RCC1: variants seen among roughly 807,000 people sequenced by gnomAD.
RCC1 encodes regulator of chromosome condensation 1.
A neutral mutation model predicts 44.4 loss-of-function variants in RCC1; 11 were observed. The observed-to-expected ratio is 0.25, with a 90% confidence interval of 0.16 to 0.41. The LOEUF (loss-of-function observed/expected upper bound fraction) is 0.41, where lower values mean the gene tolerates loss of function less well. Ranked by LOEUF, RCC1 falls within the 10% of genes least tolerant of loss-of-function variation. RCC1 has a pLI of 1.00. For synonymous variants in RCC1, 213 were observed against 216.5 expected (o/e 0.98, Z 0.14); for missense variants, 386 against 547.1 (o/e 0.71, Z 2.94).
intron 4 of RCC1, chr1:28,518,592 C>G (rs1311813303): frequency 6.7e-6 from 1 of 150,154 alleles, no homozygotes; most frequent in African/African-American, 2.4e-5. Flanking sequence ...ACCGCGGCGC[C>G]CGCGCAGGCG....
At chr1:28,528,844 C>CTTTTTTTTTT (rs59005617) in intron 4 of RCC1, among the ~76,000 whole-genome samples, 1 of 87,228 alleles carries the variant, frequency 1.1e-5, no homozygotes, top group Non-Finnish European at 2.1e-5. Context: ...GTTTTTCTTC[C>CTTTTTTTTTT]TTTTTTTTTT....
At chr1:28,514,029 TGTG>T (rs1235570999) in intron 3 of RCC1, among the ~76,000 whole-genome samples, 1 of 147,426 alleles carries the variant, frequency 6.8e-6, no homozygotes, top group Non-Finnish European at 1.5e-5. Context: ...ATTAGCCAGG[TGTG>T]GTGGTGCTCG....
rs776621650 is a variant in RCC1, at chr1:28,509,025, G to C, written c.-153+120G>C. On this transcript the variant is annotated intron_variant, in intron 3 of 12. Transcript: ENST00000683442. ...GTCTTGCTCTGTCGCCCAGGCTGTA[G>C]TGCAGTGGCGCAATCTTGGCTGCAA... 2.6e-5 allele frequency: 10 copies of C among 390,690 alleles called. No homozygotes were observed. In the East Asian group the frequency reaches 7.1e-4, roughly 28 times the overall value. 24.2% of individuals were successfully genotyped at this position (390,690 alleles called of 1,614,324 possible).
At position 28,516,436 on chromosome 1, in the gene RCC1, T is replaced by C. The variant is rs547344038; in HGVS notation, c.-152-289T>C. On this transcript the variant is annotated intron_variant, in intron 3 of 12. Coordinates refer to ENST00000683442, the MANE Select transcript of RCC1 (RefSeq NM_001381865.2). ...CTGAGGCAGGAGAATTGCTTGAACC[T>C]GGCTGCAGTGAGCCGAGATCGCACC... 2.7e-5 allele frequency among the ~76,000 whole-genome samples: 4 copies of C among 148,382 alleles called. No individual in the cohort carries two copies. In the East Asian group the frequency reaches 8.1e-4, roughly 30 times the overall value.
intron 4 of RCC1, among the ~76,000 whole-genome samples, chr1:28,524,618 G>T (rs146643667): frequency 3.3e-5 from 5 of 152,278 alleles, no homozygotes; most frequent in African/African-American, 1.2e-4. Flanking sequence ...AGCACTTTGG[G>T]AGTCCAAGGC....
chr1:28,537,962 G>T lies in RCC1; in HGVS notation c.1221G>T (p.Gly407=). The T allele has an allele frequency of 6.2e-7, 1 of 1,614,016 alleles. No homozygotes were observed. The highest frequency in any genetic ancestry group is 8.5e-7 in the Non-Finnish European group (1 of 1,179,992). The change falls in exon 13 of 13, where the codon GGG becomes GGT. Residue 407 remains glycine, a synonymous_variant. Transcript: ENST00000683442. ...ENRVVLSVSS[G]GQHTVLLVKD... ...GTGTGGTCTTATCTGTGTCCAGCGGGGGCCAGCATACAGTCTTATTAGTCA... is the reference window on the plus strand; with the variant it reads ...GTGTGGTCTTATCTGTGTCCAGCGGTGGCCAGCATACAGTCTTATTAGTCA...
intron 1 of RCC1, chr1:28,507,418 G>A (rs750540793): frequency 1.3e-5 from 7 of 519,044 alleles, no homozygotes; most frequent in East Asian, 5.4e-5. Context: ...TCCAAGTGGC[G>A]TAGGGGAGCA....
intron 4 of RCC1, among the ~76,000 whole-genome samples, chr1:28,528,502 C>T (rs1035268681): frequency 2.6e-5 from 4 of 152,186 alleles, no homozygotes; most frequent in Admixed American, 2.6e-4. Context: ...GTGATGCACA[C>T]CTGTAATCTC....
In RCC1 at chr1:28,535,357, A is replaced by T; in HGVS notation, c.638A>T (p.Asn213Ile). ...GGCCGTGTGCCTGAGTTATTTGCCA[A>T]CCGTGGTGGCCGGCAAGGCCTCGGT... ...QLGRVPELFA[N>I]RGGRQGLERL... Residue 213 changes from asparagine (N) to isoleucine (I), a missense_variant, in exon 9 of 13, where the codon AAC becomes ATC. Physicochemically the swap from Asn to Ile is moderately radical, Grantham distance 149. Transcript: ENST00000683442. 3.1e-6 allele frequency: 5 copies of T among 1,614,148 alleles called. No homozygotes were observed. The highest frequency in any genetic ancestry group is 4.2e-6 in the Non-Finnish European group (5 of 1,180,026).
At chr1:28,530,625 C>G in intron 5 of RCC1, 3 of 1,590,818 alleles carry the variant, frequency 1.9e-6, no homozygotes, top group Non-Finnish European at 2.6e-6. Context: ...GGTGGCTCCG[C>G]GCCCGGGGCG....
intron 4 of RCC1, chr1:28,527,336 C>A (rs904879759): frequency 1.2e-5 from 6 of 511,274 alleles, no homozygotes; most frequent in African/African-American, 9.6e-5. Context: ...GCCTCCCAGG[C>A]TCACGCCATC....
Position 28,536,851 on chromosome 1 carries a change from T to C in RCC1, c.1042T>C (p.Ser348Pro), listed in dbSNP as rs1226174274. The C allele has an allele frequency of 6.2e-7, 1 of 1,614,120 alleles. No homozygotes were observed. Among genetic ancestry groups the C allele is most frequent in the African/African-American group, 1.3e-5 (1 of 75,034 alleles). The change falls in exon 12 of 13, where the codon TCC (serine) becomes CCC (proline). Residue 348 changes from serine (S) to proline (P), a missense_variant. By Grantham distance (74) the Ser-to-Pro change is moderately conservative. Transcript: ENST00000683442. The surrounding 1 kb of genome is among the most constrained non-coding windows in gnomAD (Gnocchi z 4.9). ...CCTCATCTCCAGGCTGCCTGCTGTC[T>C]CCTCGGTGGCTTGTGGGGCCTCTGT... is the stretch of plus-strand genomic sequence containing the variant. ...PTLISRLPAVSSVACGASVGY... is the reference protein window; with the variant it reads ...PTLISRLPAVPSVACGASVGY...
intron 1 of RCC1, chr1:28,507,066 C>A (rs1317390525): frequency 2.7e-5 from 5 of 183,370 alleles, no homozygotes; most frequent in Non-Finnish European, 5.9e-5. Flanking sequence ...CGTGAGCCAT[C>A]GTGCCTGGCC....
chr1:28,523,339 C>T (rs917050696), intron 4 of RCC1, among the ~76,000 whole-genome samples: 2 of 152,238 alleles, frequency 1.3e-5, no homozygotes, highest in South Asian at 4.1e-4. Context: ...TCTAATAACA[C>T]TCAAGGACGC....
chr1:28,509,625 T>TA (rs1272695630), intron 3 of RCC1: 10 of 152,202 alleles, frequency 6.6e-5, no homozygotes, highest in African/African-American at 2.2e-4. Context: ...TTAAAATAAA[T>TA]ACGACTGCAT....
At chr1:28,534,843 G>T (rs978284886) in intron 7 of RCC1, among the ~76,000 whole-genome samples, 1 of 152,204 alleles carries the variant, frequency 6.6e-6, no homozygotes, top group Non-Finnish European at 1.5e-5. Context: ...GGCCAGACTT[G>T]TTTATCTCTA....
At chr1:28,530,086 A>AT in intron 5 of RCC1, 147 bp downstream of exon 5, 1 of 583,878 alleles carries the variant, frequency 1.7e-6, no homozygotes, top group Non-Finnish European at 3.0e-6. Flanking sequence ...CCTGTAGCTC[A>AT]TTGAATCCTA....
chr1:28,514,693 A>G (rs1662781438), intron 3 of RCC1, among the ~76,000 whole-genome samples: 1 of 150,312 alleles, frequency 6.7e-6, no homozygotes, highest in Non-Finnish European at 1.5e-5. Flanking sequence ...CCTGGGAGGC[A>G]GAGGTTGCAG....
At position 28,535,228 on chromosome 1, in the gene RCC1, G is replaced by A. The variant is rs756885070; in HGVS notation, c.539-30G>A. 6 of 1,614,168 alleles carry A rather than the reference G, an allele frequency of 3.7e-6. No homozygotes were observed. The Admixed American group carries it at 5.0e-5, about 13-fold the overall frequency. On this transcript the variant is annotated intron_variant, in intron 8 of 12. Transcript: ENST00000683442. ...GCCTAGCCTTGGGCCTTACAGTTGT[G>A]GCCTGCATCCCTTACCTTTTCATCC... is the stretch of plus-strand genomic sequence containing the variant.
Sources: allele counts gnomAD v4.1 joint callset (sites outside exome capture counted in the v4.1 genomes callset), GRCh38; gene constraint gnomAD v4.1.1; non-coding constraint Gnocchi (gnomAD v3.1); transcripts MANE v1.5; gene names NCBI Gene and HGNC (gene_info 2026-07-23, HGNC 2026-07-21).